WDR7: variants seen among roughly 807,000 people sequenced by gnomAD.
WDR7 encodes the protein WD repeat domain 7.
A neutral mutation model predicts 169.4 loss-of-function variants in WDR7; 46 were observed. The ratio of observed to expected loss-of-function variants is 0.27; its 90% CI spans 0.21 to 0.35. The LOEUF is 0.35. Ranked by LOEUF, WDR7 falls within the 10% of genes least tolerant of loss-of-function variation. The pLI is 1.00. For missense variants in WDR7, 1,534 were observed against 1,859.3 expected, an observed-to-expected ratio of 0.83 and a Z score of 3.22; for synonymous variants, 612 against 666.8, an observed-to-expected ratio of 0.92 and a Z score of 1.27.
chr18:56,719,103 T>G (rs1028986043), intron 13 of WDR7, among the ~76,000 whole-genome samples: 11 of 152,238 alleles, frequency 7.2e-5, no homozygotes, highest in African/African-American at 2.4e-4. Context: ...ATGTAACCTT[T>G]CTTTCTCTTG....
chr18:56,695,284 A>G lies in WDR7; in HGVS notation c.1357+86A>G, dbSNP rs149095930. On this transcript the variant is annotated intron_variant, in intron 11 of 27. Coordinates refer to ENST00000254442, the MANE Select transcript of WDR7 (RefSeq NM_015285.3). ...ATGTCTCTGTTTTTTGTTTTTAAATAAATACAGTGAATCAGTGTAGTTAGT... is the reference window on the plus strand; with the variant it reads ...ATGTCTCTGTTTTTTGTTTTTAAATGAATACAGTGAATCAGTGTAGTTAGT... 132 of 1,513,492 alleles carry G rather than the reference A, an allele frequency of 8.7e-5. No homozygotes were observed. The East Asian group carries it at 1.7e-3, about 20-fold the overall frequency. The allele number at this position is 1,513,492 out of a possible 1,614,324, so 93.8% of individuals were successfully genotyped here. A position where few individuals can be genotyped will look rare whatever the true frequency, so the allele number is the denominator to read the frequency against.
At chr18:56,808,056 C>T (rs1217222529) in intron 19 of WDR7, among the ~76,000 whole-genome samples, 3 of 152,094 alleles carry the variant, frequency 2.0e-5, no homozygotes, top group Non-Finnish European at 4.4e-5. Flanking sequence ...ATGTAGGCAG[C>T]CAGACAGGCA....
At chr18:56,667,568 G>C (rs1289979789) in intron 1 of WDR7, among the ~76,000 whole-genome samples, 1 of 152,122 alleles carries the variant, frequency 6.6e-6, no homozygotes, top group Non-Finnish European at 1.5e-5. Flanking sequence ...TAAGCATAGA[G>C]TAATTTATCT....
intron 14 of WDR7, among the ~76,000 whole-genome samples, chr18:56,746,007 T>G (rs925463929): frequency 6.6e-6 from 1 of 152,150 alleles, no homozygotes; most frequent in Non-Finnish European, 1.5e-5. Flanking sequence ...ATTTCAAGGT[T>G]TAAACATTTT....
intron 14 of WDR7, among the ~76,000 whole-genome samples, chr18:56,741,415 G>T (rs1485550133): frequency 6.6e-6 from 1 of 152,098 alleles, no homozygotes; most frequent in Non-Finnish European, 1.5e-5. Context: ...TCTAGTTTAT[G>T]ATCTTTCCCC....
chr18:56,906,088 C>T (rs1353206324), intron 21 of WDR7, among the ~76,000 whole-genome samples: 1 of 152,112 alleles, frequency 6.6e-6, no homozygotes, highest in African/African-American at 2.4e-5. Flanking sequence ...CTAATATCAC[C>T]GTAAGAGAGA....
chr18:56,686,140 A>T, intron 6 of WDR7, 108 bp downstream of exon 6: 1 of 938,116 alleles, frequency 1.1e-6, no homozygotes, highest in Non-Finnish European at 1.6e-6. Context: ...GGAAAAAGTG[A>T]TTATTTTTTG....
chr18:56,892,884 A>G (rs2046283064), intron 21 of WDR7, among the ~76,000 whole-genome samples: 1 of 152,046 alleles, frequency 6.6e-6, no homozygotes, highest in South Asian at 2.1e-4. Flanking sequence ...CATCATCAAG[A>G]CAGGGTCTGT....
At chr18:56,928,353 T>C (rs909847895) in intron 22 of WDR7, among the ~76,000 whole-genome samples, 5 of 152,106 alleles carry the variant, frequency 3.3e-5, no homozygotes, top group Admixed American at 3.3e-4. Flanking sequence ...TAGTCCCAGC[T>C]ACCAGGGAGG....
chr18:56,941,561 A>G (rs1657390), intron 25 of WDR7, among the ~76,000 whole-genome samples: 32,769 of 152,178 alleles, frequency 0.22, 7,013 homozygotes, highest in African/African-American at 0.56. Flanking sequence ...TGGCTAGAAC[A>G]TAGGTTGAGG....
chr18:56,669,422 A>G (rs2025087553), intron 1 of WDR7, among the ~76,000 whole-genome samples: 1 of 152,100 alleles, frequency 6.6e-6, no homozygotes, highest in Admixed American at 6.5e-5. Context: ...AGAATTACTG[A>G]TATTTGTTGG....
At chr18:56,988,590 AGTGT>A (rs71171009) in intron 26 of WDR7, among the ~76,000 whole-genome samples, 14,896 of 142,518 alleles carry the variant, frequency 0.1, 828 homozygotes, top group Non-Finnish European at 0.13. Context: ...ATGGAAGGCA[AGTGT>A]GTGTGTGTGT....
intron 22 of WDR7, among the ~76,000 whole-genome samples, chr18:56,929,682 A>T (rs1022190234): frequency 6.6e-6 from 1 of 152,192 alleles, no homozygotes; most frequent in African/African-American, 2.4e-5. Context: ...GTAAAATCTT[A>T]TGTGAGGAAA....
chr18:56,860,173 A>T (rs2045782661), intron 20 of WDR7, among the ~76,000 whole-genome samples: 2 of 152,186 alleles, frequency 1.3e-5, no homozygotes, highest in Admixed American at 6.6e-5. Flanking sequence ...TGATGGGCCC[A>T]TGCTTTCAAG....
At chr18:56,700,724 C>T (rs1250950295) in intron 12 of WDR7, among the ~76,000 whole-genome samples, 3 of 150,614 alleles carry the variant, frequency 2.0e-5, no homozygotes, top group Non-Finnish European at 3.0e-5. Flanking sequence ...CGCCCGCTAC[C>T]ACGCCCGGCT....
intron 20 of WDR7, among the ~76,000 whole-genome samples, chr18:56,829,093 C>T (rs1001390704): frequency 6.3e-5 from 9 of 143,350 alleles, no homozygotes; most frequent in African/African-American, 1.6e-4. Flanking sequence ...GATTAGCCCG[C>T]GGCAACATAG....
chr18:56,933,344 C>T (rs915859695), intron 22 of WDR7, among the ~76,000 whole-genome samples: 1 of 152,170 alleles, frequency 6.6e-6, no homozygotes, highest in Non-Finnish European at 1.5e-5. Flanking sequence ...GTTGCCAATC[C>T]CACACCTGTG....
intron 3 of WDR7, among the ~76,000 whole-genome samples, chr18:56,680,854 G>A (rs1321429957): frequency 6.6e-6 from 1 of 152,210 alleles, no homozygotes; most frequent in African/African-American, 2.4e-5. Context: ...AATCTCAGTA[G>A]TTTAAATTAG....
intron 19 of WDR7, among the ~76,000 whole-genome samples, chr18:56,801,105 T>G (rs1049515787): frequency 2.0e-5 from 3 of 152,218 alleles, no homozygotes; most frequent in Admixed American, 6.5e-5. Context: ...ACAAAAAGAT[T>G]TAATCTTTTT....
Sources: gnomAD v4.1 joint callset for allele counts (sites outside exome capture counted in the v4.1 genomes callset) on GRCh38, gnomAD v4.1.1 for gene constraint, MANE v1.5 for transcripts, NCBI Gene and HGNC (gene_info 2026-07-23, HGNC 2026-07-21) for gene names.